The following CAV1 variants were observed in gnomAD, a reference collection of about 807,000 sequenced individuals.
The protein encoded by CAV1 is caveolin-1.
A neutral mutation model predicts 16.5 loss-of-function variants in CAV1; 10 were observed. The observed-to-expected ratio is 0.61, with a 90% confidence interval of 0.37 to 1.03. The LOEUF (loss-of-function observed/expected upper bound fraction) is 1.03. Among genes scored for constraint, CAV1 ranks in the 50% least tolerant of loss-of-function variants. The pLI is 0.01. For synonymous variants in CAV1, 76 were observed against 85.1 expected (o/e 0.89, Z 0.59); for missense variants, 212 against 232.8 (o/e 0.91, Z 0.58).
chr7:116,526,819 CACAG>C (rs1793574233), intron 2 of CAV1, 130 bp downstream of exon 2: 6 of 1,071,212 alleles, frequency 5.6e-6, no homozygotes, highest in Non-Finnish European at 8.3e-6. Flanking sequence ...CACACACACA[CACAG>C]AGTTTTGTGG....
At chr7:116,553,924 A>C (rs1235987294) in intron 2 of CAV1, among the ~76,000 whole-genome samples, 3 of 152,244 alleles carry the variant, frequency 2.0e-5, no homozygotes, top group African/African-American at 7.2e-5. Flanking sequence ...GCAGGTATCC[A>C]GAATGTAGCA....
In CAV1 at chr7:116,541,607, C is replaced by G. The variant is rs533035308; in HGVS notation, c.195+14918C>G. ...GTCTACAAAAAAATACAAAAATTAGCCAGGCATGATGGCATGCACCTGTAG... is the reference window on the plus strand; with the variant it reads ...GTCTACAAAAAAATACAAAAATTAGGCAGGCATGATGGCATGCACCTGTAG... On this transcript the variant is annotated intron_variant, in intron 2 of 2. Coordinates refer to ENST00000341049, the MANE Select transcript of CAV1 (RefSeq NM_001753.5). Among the ~76,000 whole-genome samples the G allele has an allele frequency of 1.1e-4, 17 of 152,042 alleles. No homozygotes were observed. In the East Asian group the frequency reaches 3.3e-3, roughly 29 times the overall value.
chr7:116,527,601 A>C (rs1042537815), intron 2 of CAV1, among the ~76,000 whole-genome samples: 1 of 152,206 alleles, frequency 6.6e-6, no homozygotes, highest in Non-Finnish European at 1.5e-5. Flanking sequence ...TATTGCCTAA[A>C]CACATCTGGA....
At chr7:116,542,007 A>C (rs1451083817) in intron 2 of CAV1, among the ~76,000 whole-genome samples, 1 of 152,182 alleles carries the variant, frequency 6.6e-6, no homozygotes, top group Non-Finnish European at 1.5e-5. Context: ...TGCCAGCAGG[A>C]TACTTGGTTT....
At chr7:116,544,544 A>T (rs1794003181) in intron 2 of CAV1, among the ~76,000 whole-genome samples, 1 of 152,186 alleles carries the variant, frequency 6.6e-6, no homozygotes, top group Admixed American at 6.5e-5. Context: ...GTGAGAAAAG[A>T]AGGTGGGGGC....
chr7:116,546,649 A>T (rs1794052784), intron 2 of CAV1, among the ~76,000 whole-genome samples: 1 of 149,776 alleles, frequency 6.7e-6, no homozygotes, highest in South Asian at 2.1e-4. Flanking sequence ...GTGAGCAAAG[A>T]TCGCACCATT....
In CAV1 at chr7:116,559,443, T is replaced by C. The variant is rs950851695; in HGVS notation, c.*156T>C. The C allele has an allele frequency of 3.1e-6, 2 of 648,008 alleles. No homozygotes were observed. The highest frequency in any genetic ancestry group is 2.5e-5 in the Admixed American group (1 of 39,432). 40.1% of individuals were successfully genotyped at this position (648,008 alleles called of 1,614,324 possible). Reference sequence around the variant, plus strand: ...TCACTTTCTCAGTTTTCATAAGTATTATGTCTCTTCTGAGCTATTTCATCT... The same window carrying C: ...TCACTTTCTCAGTTTTCATAAGTATCATGTCTCTTCTGAGCTATTTCATCT... On this transcript the variant is annotated 3_prime_UTR_variant, in exon 3 of 3. Coordinates refer to ENST00000341049, the MANE Select transcript of CAV1 (RefSeq NM_001753.5).
At chr7:116,557,952 C>T (rs567890002) in intron 2 of CAV1, among the ~76,000 whole-genome samples, 8 of 152,246 alleles carry the variant, frequency 5.3e-5, no homozygotes, top group Admixed American at 1.3e-4. Flanking sequence ...TTTCCAGCCT[C>T]GGTGACACAG....
chr7:116,533,348 TAAATAAAATAA>T (rs11292498), intron 2 of CAV1, among the ~76,000 whole-genome samples: 44,620 of 137,590 alleles, frequency 0.32, 9,399 homozygotes, highest in East Asian at 0.64. Context: ...AAAAATAAAA[TAAATAAAATAA>T]AATAAAATAA....
At position 116,537,388 on chromosome 7, in the gene CAV1, C is replaced by T. The variant is rs935907874; in HGVS notation, c.195+10699C>T. Among the ~76,000 whole-genome samples, 6 of 151,892 alleles carry T rather than the reference C, an allele frequency of 4.0e-5. 1 individual carries two copies. Among genetic ancestry groups the T allele is most frequent in the Non-Finnish European group, 7.4e-5 (5 of 67,978 alleles). On this transcript the variant is annotated intron_variant, in intron 2 of 2. Coordinates refer to ENST00000341049, the MANE Select transcript of CAV1 (RefSeq NM_001753.5). The stretch of plus-strand genomic sequence containing the variant: ...AGATGGGGTGCTTCTTCCAGCACTC[C>T]CTATAGGCTGACTGAGTGACAAAGA...
In CAV1 at chr7:116,534,383, ATATATATATATATTTTTTTTTTTTT is replaced by A. The variant is rs1336835910; in HGVS notation, c.195+7696_195+7720del. ...CTCAGATATATATATATATATATAT[ATATATATATATATTTTTTTTTTTTT>A]TTTTTTTTTGAGACGATGTCTTGCT... On this transcript the variant is annotated intron_variant, in intron 2 of 2. Transcript: ENST00000341049. Among the ~76,000 whole-genome samples, 62 of 9,706 alleles carry A rather than the reference ATATATATATATATTTTTTTTTTTTT, an allele frequency of 6.4e-3. 2 individuals carry two copies. The highest frequency in any genetic ancestry group is 0.018 in the African/African-American group (55 of 3,128). 6.4% of individuals were successfully genotyped at this position (9,706 alleles called of 152,430 possible). A position where few individuals can be genotyped will look rare whatever the true frequency, so the allele number is the denominator to read the frequency against.
chr7:116,559,343 T>A lies in CAV1; in HGVS notation c.*56T>A, dbSNP rs1022683249. 1 of 1,356,972 alleles carries A rather than the reference T, an allele frequency of 7.4e-7. No homozygotes were observed. The highest frequency in any genetic ancestry group is 1.0e-6 in the Non-Finnish European group (1 of 957,446). The allele number at this position is 1,356,972 out of a possible 1,614,324, so 84.1% of individuals were successfully genotyped here. A position where few individuals can be genotyped will look rare whatever the true frequency, so the allele number is the denominator to read the frequency against. The stretch of plus-strand genomic sequence containing the variant: ...TTTTTTTTCCTTTTAATTTTCCTGG[T>A]GCCAATTTCAAGTTCCAAGTTGCTA... On this transcript the variant is annotated 3_prime_UTR_variant, in exon 3 of 3. Coordinates refer to ENST00000341049, the MANE Select transcript of CAV1 (RefSeq NM_001753.5).
intron 2 of CAV1, among the ~76,000 whole-genome samples, chr7:116,555,520 G>GAAAGAAAGAA (rs1448156661): frequency 0.015 from 136 of 8,942 alleles, 33 homozygotes; most frequent in South Asian, 0.14. Flanking sequence ...AAGAAAGAAA[G>GAAAGAAAGAA]AGAGAGAGAG....
chr7:116,525,605 T>A (rs930367788), intron 1 of CAV1: 50 of 1,150,106 alleles, frequency 4.3e-5, no homozygotes, highest in Non-Finnish European at 5.2e-5. Context: ...CAAGAACTCC[T>A]TCTGCATCTT....
chr7:116,558,444 G>A (rs1381731013), intron 2 of CAV1, among the ~76,000 whole-genome samples: 1 of 152,040 alleles, frequency 6.6e-6, no homozygotes, highest in East Asian at 1.9e-4. Context: ...AAGGTCCAAG[G>A]GGAACCCAAA....
chr7:116,558,088 C>T (rs1794328959), intron 2 of CAV1, among the ~76,000 whole-genome samples: 1 of 152,176 alleles, frequency 6.6e-6, no homozygotes, highest in African/African-American at 2.4e-5. Context: ...TCAAATCTCC[C>T]ACCTCATGAA....
intron 2 of CAV1, among the ~76,000 whole-genome samples, chr7:116,527,397 A>G (rs961372226): frequency 2.6e-5 from 4 of 152,310 alleles, no homozygotes; most frequent in Admixed American, 2.6e-4. Context: ...TTTAGTAGCT[A>G]CCTGGGTCAG....
intron 2 of CAV1, among the ~76,000 whole-genome samples, chr7:116,544,365 T>A (rs1482375430): frequency 6.6e-6 from 1 of 152,184 alleles, no homozygotes; most frequent in African/African-American, 2.4e-5. Flanking sequence ...ATAGCAGTAT[T>A]CACTAATTCA....
At chr7:116,527,124 G>A (rs1793580599) in intron 2 of CAV1, 1 of 256,842 alleles carries the variant, frequency 3.9e-6, no homozygotes, top group Non-Finnish European at 7.7e-6. Flanking sequence ...TTGTGCTGAG[G>A]ATGAGTCAGA....
Sources: allele counts gnomAD v4.1 joint callset (sites outside exome capture counted in the v4.1 genomes callset), GRCh38; gene constraint gnomAD v4.1.1; transcripts MANE v1.5; gene names NCBI Gene and HGNC (gene_info 2026-07-23, HGNC 2026-07-21).